R3HDM1: variants seen among roughly 807,000 people sequenced by gnomAD.
The protein encoded by R3HDM1 is R3H domain containing 1, also known as R3H domain-containing protein 1.
In R3HDM1, 46 loss-of-function variants were observed where a neutral mutation model predicts 141.1. That is an observed-to-expected ratio of 0.33 (90% CI 0.26 to 0.42). The LOEUF (loss-of-function observed/expected upper bound fraction) is 0.42, where lower values mean the gene tolerates loss of function less well. R3HDM1 is among the 10% of genes least tolerant of loss of function. The pLI, the probability that R3HDM1 is intolerant of heterozygous loss-of-function variation, is 1.00. For synonymous variants in R3HDM1, 435 were observed against 472.9 expected, an observed-to-expected ratio of 0.92 and a Z score of 1.04; for missense variants, 1,184 against 1,368.3, an observed-to-expected ratio of 0.87 and a Z score of 2.12.
chr2:135,557,505 G>A (rs1034559753), intron 1 of R3HDM1, among the ~76,000 whole-genome samples: 1 of 152,208 alleles, frequency 6.6e-6, no homozygotes, highest in African/African-American at 2.4e-5. Flanking sequence ...TCAGGTCTCA[G>A]ATGGTGTAAT....
At position 135,544,735 on chromosome 2, in the gene R3HDM1, C is replaced by T. The variant is rs576206173; in HGVS notation, c.-250+13102C>T. Among the ~76,000 whole-genome samples the T allele has an allele frequency of 2.0e-5, 3 of 152,164 alleles. No individual in the cohort carries two copies. In the South Asian group the frequency reaches 6.2e-4, roughly 32 times the overall value. On this transcript the variant is annotated intron_variant, in intron 1 of 26. Transcript: ENST00000683871. ...CAGCAGTTTGGGAGGCTGAGGCGGGCAGAATACTTGAGGCCAGGAGCTTGA... is the reference window on the plus strand; with the variant it reads ...CAGCAGTTTGGGAGGCTGAGGCGGGTAGAATACTTGAGGCCAGGAGCTTGA...
At chr2:135,575,170 A>G (rs191229830) in intron 1 of R3HDM1, among the ~76,000 whole-genome samples, 4 of 152,306 alleles carry the variant, frequency 2.6e-5, no homozygotes, top group African/African-American at 4.8e-5. Flanking sequence ...AATAATGAAG[A>G]AATTCCAAAA....
At chr2:135,581,537 G>T (rs1272536704) in intron 1 of R3HDM1, 2 of 433,726 alleles carry the variant, frequency 4.6e-6, no homozygotes, top group Non-Finnish European at 6.1e-6. Context: ...TCCTCTCTAT[G>T]ACATGTTAAG....
intron 26 of R3HDM1, 35 bp downstream of exon 26, chr2:135,722,588 C>A: frequency 6.3e-7 from 1 of 1,579,762 alleles, no homozygotes; most frequent in Non-Finnish European, 8.7e-7. Flanking sequence ...TGTGGGTCTG[C>A]AAACTGGTGA....
chr2:135,681,869 T>C (rs1020282233), intron 21 of R3HDM1, among the ~76,000 whole-genome samples: 1 of 152,062 alleles, frequency 6.6e-6, no homozygotes, highest in Non-Finnish European at 1.5e-5. Context: ...TTTAGTTATA[T>C]ACTTCTTGGC....
chr2:135,675,274 T>A (rs1025983143), intron 19 of R3HDM1, 58 bp from the exon 20 acceptor site: 15 of 1,476,414 alleles, frequency 1.0e-5, no homozygotes, highest in African/African-American at 2.8e-5. Context: ...AATTTTTTTT[T>A]AAATCTTACT....
intron 21 of R3HDM1, among the ~76,000 whole-genome samples, chr2:135,704,223 G>A (rs890968177): frequency 2.6e-5 from 4 of 152,148 alleles, no homozygotes; most frequent in South Asian, 2.1e-4. Context: ...CAAGTGATCC[G>A]CCTGCCTCAG....
At chr2:135,616,566 A>G (rs1208806210) in intron 4 of R3HDM1, 102 bp from the exon 5 acceptor site, 16 of 945,624 alleles carry the variant, frequency 1.7e-5, no homozygotes, top group East Asian at 7.9e-5. Context: ...ACTGTTATAC[A>G]TGGCAGAAAC....
At chr2:135,571,046 T>G (rs1703983330) in intron 1 of R3HDM1, among the ~76,000 whole-genome samples, 1 of 152,220 alleles carries the variant, frequency 6.6e-6, no homozygotes, top group Admixed American at 6.5e-5. Flanking sequence ...ATACATTGTT[T>G]TTTAAAACAT....
chr2:135,565,943 A>C (rs1311741946), intron 1 of R3HDM1: 1 of 152,138 alleles, frequency 6.6e-6, no homozygotes, highest in Non-Finnish European at 1.5e-5. Flanking sequence ...GGATGTGGGG[A>C]TTGAAAGAAA....
chr2:135,668,433 A>T (rs1437571374), intron 19 of R3HDM1, among the ~76,000 whole-genome samples: 4 of 152,220 alleles, frequency 2.6e-5, no homozygotes, highest in African/African-American at 9.6e-5. Context: ...AAAACATTTC[A>T]TCATGATTTC....
chr2:135,626,200 C>CTT (rs2062010264), intron 7 of R3HDM1, among the ~76,000 whole-genome samples: 1 of 140,676 alleles, frequency 7.1e-6, no homozygotes, highest in African/African-American at 2.7e-5. Context: ...TGCGTGCGTG[C>CTT]GTGCGTGCGT....
chr2:135,699,040 T>TA lies in R3HDM1; in HGVS notation c.2460-10392dup, dbSNP rs1559466198. ...ATAGATAGATAGATAGATAGATAGA[T>TA]AGATAAGATAGATAAGATAGATTGA... On this transcript the variant is annotated intron_variant, in intron 21 of 26. Coordinates refer to ENST00000683871, the MANE Select transcript of R3HDM1 (RefSeq NM_001378107.1). 1.1e-4 allele frequency among the ~76,000 whole-genome samples: 13 copies of TA among 113,846 alleles called. 1 individual carries two copies. The highest frequency in any genetic ancestry group is 2.8e-4 in the African/African-American group (9 of 32,548). 74.7% of individuals were successfully genotyped at this position (113,846 alleles called of 152,430 possible).
chr2:135,699,776 A>G (rs1388710434), intron 21 of R3HDM1, among the ~76,000 whole-genome samples: 9 of 152,220 alleles, frequency 5.9e-5, no homozygotes, highest in African/African-American at 1.4e-4. Flanking sequence ...TCACTTCTCT[A>G]TGTTCTAAGA....
chr2:135,671,144 A>G (rs568009564), intron 19 of R3HDM1, among the ~76,000 whole-genome samples: 2 of 150,796 alleles, frequency 1.3e-5, no homozygotes, highest in African/African-American at 2.4e-5. Context: ...ATATAAAGTT[A>G]AACAGTTTGT....
chr2:135,548,077 C>CT (rs1236211679), intron 1 of R3HDM1, among the ~76,000 whole-genome samples: 1 of 152,096 alleles, frequency 6.6e-6, no homozygotes, highest in Non-Finnish European at 1.5e-5. Context: ...AGCCTGAAGT[C>CT]TTTTTTCTGA....
chr2:135,622,560 G>A (rs1255852345), intron 6 of R3HDM1, 94 bp from the exon 7 acceptor site: 2 of 1,378,042 alleles, frequency 1.5e-6, no homozygotes, highest in Non-Finnish European at 1.9e-6. Context: ...GGGGCATCTT[G>A]TTTTATTTAA....
chr2:135,690,505 C>A (rs1207847916), intron 21 of R3HDM1, among the ~76,000 whole-genome samples: 1 of 151,980 alleles, frequency 6.6e-6, no homozygotes, highest in Non-Finnish European at 1.5e-5. Flanking sequence ...GTTTTTACAC[C>A]AATAAGAATA....
At chr2:135,582,401 A>C (rs1393790285) in intron 1 of R3HDM1, among the ~76,000 whole-genome samples, 1 of 152,192 alleles carries the variant, frequency 6.6e-6, no homozygotes, top group Non-Finnish European at 1.5e-5. Flanking sequence ...GGATCATAGG[A>C]AGTGAATTTC....
Sources: gnomAD v4.1 joint callset for allele counts (sites outside exome capture counted in the v4.1 genomes callset) on GRCh38, gnomAD v4.1.1 for gene constraint, MANE v1.5 for transcripts, NCBI Gene and HGNC (gene_info 2026-07-23, HGNC 2026-07-21) for gene names.